The following FLCN variants were observed in gnomAD, a reference collection of about 807,000 sequenced individuals.
FLCN encodes BHD skin lesion fibrofolliculoma protein.
Under a neutral mutation model 62.5 loss-of-function variants are expected in FLCN, and 22 were observed. The observed-to-expected ratio is 0.35, with a 90% confidence interval of 0.25 to 0.50. The LOEUF (loss-of-function observed/expected upper bound fraction) is 0.50. Among genes scored for constraint, FLCN ranks in the 20% least tolerant of loss-of-function variants. The pLI is 0.97. For synonymous variants in FLCN, 319 were observed against 310.0 expected (o/e 1.03, Z -0.30); for missense variants, 657 against 778.0 (o/e 0.84, Z 1.85).
chr17:17,226,254 G>A lies in FLCN; in HGVS notation c.318C>T (p.Tyr106=), dbSNP rs773946854. 32 of 1,614,050 alleles carry A rather than the reference G, an allele frequency of 2.0e-5. No homozygotes were observed. Among genetic ancestry groups the A allele is most frequent in the South Asian group, 6.6e-5 (6 of 91,090 alleles). Residue 106 remains tyrosine (Y), a synonymous_variant, in exon 5 of 14, where the codon TAC becomes TAT. Transcript: ENST00000285071. ...ISHDKETSIK[Y]VSHQHPSHPQ... ...GGTGGCTGGGGTGCTGGTGGCTGAC[G>A]TATTTAATGGAGGTCTCTTTATCAT...
At chr17:17,227,738 A>G in intron 4 of FLCN, 151 bp downstream of exon 4, 2 of 1,111,650 alleles carry the variant, frequency 1.8e-6, no homozygotes, top group Non-Finnish European at 1.3e-6. Flanking sequence ...AACAAAACAA[A>G]AGCTACAGTC....
At chr17:17,231,192 C>T (rs1239566041) in intron 3 of FLCN, among the ~76,000 whole-genome samples, 1 of 152,170 alleles carries the variant, frequency 6.6e-6, no homozygotes, top group Non-Finnish European at 1.5e-5. Flanking sequence ...AGAGAGACTC[C>T]GTCTCAAAAT....
At position 17,213,574 on chromosome 17, in the gene FLCN, A is replaced by G; in HGVS notation, c.*81T>C. 2 of 1,578,828 alleles carry G rather than the reference A, an allele frequency of 1.3e-6. No individual in the cohort carries two copies. Among genetic ancestry groups the G allele is most frequent in the Non-Finnish European group, 1.7e-6 (2 of 1,149,520 alleles). Reference sequence around the variant, plus strand: ...CACAGCTCCTTCCAGCAGTTGAGAAACTCAAGGGACAGTCCCTCTCACGGG... The same window carrying G: ...CACAGCTCCTTCCAGCAGTTGAGAAGCTCAAGGGACAGTCCCTCTCACGGG... On this transcript the variant is annotated 3_prime_UTR_variant, in exon 14 of 14. Transcript: ENST00000285071.
At position 17,224,086 on chromosome 17, in the gene FLCN, A is replaced by G. The variant is rs1425827318; in HGVS notation, c.454T>C (p.Phe152Leu). 2 of 1,612,834 alleles carry G rather than the reference A, an allele frequency of 1.2e-6. No homozygotes were observed. The highest frequency in any genetic ancestry group is 3.3e-5 in the Admixed American group (2 of 59,832). ...TCCTTGATGAAGAAGGTGTGGCTGA[A>G]CACAAAGCCGTGCTGCTCATCTCCG... Reference protein sequence around the residue: ...FFGDEQHGFVFSHTFFIKDSL... With the variant: ...FFGDEQHGFVLSHTFFIKDSL... The change falls in exon 6 of 14, where the codon TTC (phenylalanine) becomes CTC (leucine). Residue 152 changes from phenylalanine (F) to leucine (L), a missense_variant. Physicochemically the swap from Phe to Leu is conservative, Grantham distance 22 (BLOSUM62 0). Coordinates refer to ENST00000285071, the MANE Select transcript of FLCN (RefSeq NM_144997.7).
intron 8 of FLCN, chr17:17,220,970 G>T (rs971803013): frequency 7.8e-6 from 3 of 385,636 alleles, no homozygotes; most frequent in Admixed American, 8.4e-5. Flanking sequence ...AACAATGGTC[G>T]TACCACAGAC....
In FLCN at chr17:17,216,400, G is replaced by A. The variant is rs766218250; in HGVS notation, c.1280C>T (p.Pro427Leu). 1.3e-5 allele frequency: 21 copies of A among 1,613,532 alleles called. No homozygotes were observed. The highest frequency in any genetic ancestry group is 2.7e-5 in the African/African-American group (2 of 74,928). ...FLGLSPHVQI[P>L]PHVLSSEFAV... Reference sequence around the variant, plus strand: ...CGCACCTGAGGAGAGCACGTGGGGGGGGATCTGCACGTGCGGGCTGAGCCC... The same window carrying A: ...CGCACCTGAGGAGAGCACGTGGGGGAGGATCTGCACGTGCGGGCTGAGCCC... The change falls in exon 11 of 14, where the codon CCC (proline) becomes CTC (leucine). Residue 427 changes from proline (P) to leucine (L), a missense_variant. Physicochemically the swap from Pro to Leu is moderately conservative, Grantham distance 98. Transcript: ENST00000285071. This position sits in a 1 kb window ranked among gnomAD's most constrained non-coding sequence, Gnocchi z 4.0.
rs2046806803 is a variant in FLCN at position 17,213,362 on chromosome 17, T to C, written c.*293A>G. ...TTTGAGTCTAAGTCCACAAGGGGCC[T>C]GGGAGGCAAGCTGTCCTCCTAGTCG... On this transcript the variant is annotated 3_prime_UTR_variant, in exon 14 of 14. Coordinates refer to ENST00000285071, the MANE Select transcript of FLCN (RefSeq NM_144997.7). The C allele has an allele frequency of 3.7e-6, 2 of 540,746 alleles. No homozygotes were observed. Among genetic ancestry groups the C allele is most frequent in the Non-Finnish European group, 6.7e-6 (2 of 298,030 alleles). The allele number at this position is 540,746 out of a possible 1,614,324, so 33.5% of individuals were successfully genotyped here. A position where few individuals can be genotyped will look rare whatever the true frequency, so the allele number is the denominator to read the frequency against.
At chr17:17,220,131 A>T (rs575598468) in intron 8 of FLCN, 3 of 152,148 alleles carry the variant, frequency 2.0e-5, no homozygotes, top group African/African-American at 7.2e-5. Context: ...CTGCAGCCTC[A>T]ATCTTCTGGG....
chr17:17,220,480 GACA>G (rs1215854353), intron 8 of FLCN: 2 of 152,210 alleles, frequency 1.3e-5, no homozygotes, highest in African/African-American at 4.8e-5. Flanking sequence ...CCTCACAAAT[GACA>G]ACATCTCCAT....
At chr17:17,222,883 C>T (rs1270470641) in intron 6 of FLCN, 2 of 602,370 alleles carry the variant, frequency 3.3e-6, no homozygotes, top group Non-Finnish European at 6.0e-6. Context: ...ATCGGTTGAG[C>T]TTCTCCTGTC....
In FLCN at chr17:17,216,668, GA is replaced by G. The variant is rs1362065384; in HGVS notation, c.1177-166del. 1.3e-5 allele frequency among the ~76,000 whole-genome samples: 2 copies of G among 152,098 alleles called. No individual in the cohort carries two copies. The highest frequency in any genetic ancestry group is 4.8e-5 in the African/African-American group (2 of 41,424). On this transcript the variant is annotated intron_variant, in intron 10 of 13. Coordinates refer to ENST00000285071, the MANE Select transcript of FLCN (RefSeq NM_144997.7). The surrounding 1 kb of genome is among the most constrained non-coding windows in gnomAD (Gnocchi z 4.0). Reference sequence around the variant, plus strand: ...TCAGCCCACAGTGGGGGTGAGGGGGGAGGGTCCTCCACCACCAGGTCCCTAA... The same window carrying G: ...TCAGCCCACAGTGGGGGTGAGGGGGGGGGTCCTCCACCACCAGGTCCCTAA...
intron 6 of FLCN, 68 bp downstream of exon 6, chr17:17,223,854 C>T: frequency 3.2e-6 from 5 of 1,549,432 alleles, no homozygotes; most frequent in Non-Finnish European, 4.4e-6. Flanking sequence ...CAGGCCTCAA[C>T]CTCAGCACAG....
chr17:17,224,280 C>T (rs2047186580), intron 5 of FLCN, 137 bp from the exon 6 acceptor site: 6 of 773,754 alleles, frequency 7.8e-6, no homozygotes, highest in Non-Finnish European at 1.3e-5. Context: ...ACAGTGGGGG[C>T]CATGAGAGCC....
chr17:17,214,819 G>A (rs1307542635), intron 13 of FLCN, among the ~76,000 whole-genome samples, 166 bp downstream of exon 13: 1 of 151,996 alleles, frequency 6.6e-6, no homozygotes, highest in East Asian at 1.9e-4. Context: ...ACCGCCTCCC[G>A]AGGCCACCTG....
chr17:17,221,488 C>G, intron 8 of FLCN, 49 bp downstream of exon 8: 1 of 1,614,014 alleles, frequency 6.2e-7, no homozygotes, highest in South Asian at 1.1e-5. Flanking sequence ...GCTGGTACCG[C>G]CCCACGGCCA....
intron 1 of FLCN, 125 bp downstream of exon 1, chr17:17,236,787 T>A (rs1397103138): frequency 6.6e-6 from 1 of 152,120 alleles, no homozygotes. Flanking sequence ...CCAACCTATC[T>A]TCAAATCTCA....
intron 1 of FLCN, among the ~76,000 whole-genome samples, chr17:17,234,337 G>C (rs1295224144): frequency 6.6e-6 from 1 of 150,532 alleles, no homozygotes; most frequent in Non-Finnish European, 1.5e-5. Flanking sequence ...TCAGCTTCCC[G>C]AGTAGCTGGA....
chr17:17,216,372 G>T lies in FLCN; in HGVS notation c.1300+8C>A. On this transcript the variant is annotated splice_region_variant and intron_variant, in intron 11 of 13. Coordinates refer to ENST00000285071, the MANE Select transcript of FLCN (RefSeq NM_144997.7). The surrounding 1 kb of genome is among the most constrained non-coding windows in gnomAD (Gnocchi z 4.0). ...GGGCATGGCCCCACAGCCCGCGGGG[G>T]CACGCACCTGAGGAGAGCACGTGGG... 3 of 1,613,198 alleles carry T rather than the reference G, an allele frequency of 1.9e-6. No individual in the cohort carries two copies. The highest frequency in any genetic ancestry group is 2.5e-6 in the Non-Finnish European group (3 of 1,179,610).
At position 17,232,866 on chromosome 17, in the gene FLCN, T is replaced by G. The variant is rs1478138044; in HGVS notation, c.-192A>C. 6.6e-6 allele frequency: 1 copy of G among 152,278 alleles called. No individual in the cohort carries two copies. The highest frequency in any genetic ancestry group is 2.4e-5 in the African/African-American group (1 of 41,354). The allele number at this position is 152,278 out of a possible 1,614,324, so 9.4% of individuals were successfully genotyped here. On this transcript the variant is annotated 5_prime_UTR_variant, in exon 2 of 14. An upstream start codon of the reference 5' UTR is lost. Coordinates refer to ENST00000285071, the MANE Select transcript of FLCN (RefSeq NM_144997.7). ...AGGCTGCTGCCAAATGGGTCAGGCA[T>G]GGTGGTGGCAGACACCCTTGAAGAC...
Sources: allele counts gnomAD v4.1 joint callset (sites outside exome capture counted in the v4.1 genomes callset), GRCh38; gene constraint gnomAD v4.1.1; non-coding constraint Gnocchi (gnomAD v3.1); transcripts MANE v1.5; gene names NCBI Gene and HGNC (gene_info 2026-07-23, HGNC 2026-07-21).